The following KIAA1958 variants were observed in gnomAD, a reference collection of about 807,000 sequenced individuals.
KIAA1958 encodes KIAA1958.
KIAA1958 carries 14 observed loss-of-function variants against 47.2 expected under a neutral mutation model. The observed-to-expected ratio is 0.30, with a 90% confidence interval of 0.20 to 0.46. KIAA1958 has a LOEUF of 0.46. KIAA1958 is among the 20% of genes least tolerant of loss of function. The pLI is 1.00. For missense variants in KIAA1958, 803 were observed against 909.2 expected (o/e 0.88, Z 1.50); for synonymous variants, 354 against 353.3 (o/e 1.00, Z -0.02).
At chr9:112,639,541 C>G (rs1487952467) in intron 2 of KIAA1958, among the ~76,000 whole-genome samples, 1 of 152,178 alleles carries the variant, frequency 6.6e-6, no homozygotes, top group African/African-American at 2.4e-5. Context: ...TGACTCTTCA[C>G]ACAGGGCCTC....
Position 112,560,198 on chromosome 9 carries a change from C to CTTTTTTTT in KIAA1958, c.-24-13857_-24-13850dup, listed in dbSNP as rs745805478. On this transcript the variant is annotated intron_variant, in intron 1 of 3. Transcript: ENST00000337530. ...TTGAAGCTGCTTTTTTTTTCTTTTTCTTTTTTTTTCTTTTTTTGAAGAGAT... is the reference window on the plus strand; with the variant it reads ...TTGAAGCTGCTTTTTTTTTCTTTTTCTTTTTTTTTTTTTTTTTCTTTTTTTGAAGAGAT... 8.3e-4 allele frequency among the ~76,000 whole-genome samples: 90 copies of CTTTTTTTT among 108,634 alleles called. 3 individuals carry two copies. Among genetic ancestry groups the CTTTTTTTT allele is most frequent in the East Asian group, 1.9e-3 (8 of 4,204 alleles). The allele number at this position is 108,634 out of a possible 152,430, so 71.3% of individuals were successfully genotyped here.
intron 1 of KIAA1958, among the ~76,000 whole-genome samples, chr9:112,553,719 C>G (rs1835195106): frequency 6.6e-6 from 1 of 152,068 alleles, no homozygotes; most frequent in African/African-American, 2.4e-5. Flanking sequence ...CAAATCTCTG[C>G]TTTATAAGAT....
chr9:112,602,337 GTT>G (rs1836148854), intron 2 of KIAA1958, among the ~76,000 whole-genome samples: 2 of 152,240 alleles, frequency 1.3e-5, no homozygotes, highest in African/African-American at 4.8e-5. Flanking sequence ...TAAAATTGAA[GTT>G]GGCCTATTTC....
intron 1 of KIAA1958, among the ~76,000 whole-genome samples, chr9:112,524,965 C>T (rs1322232787): frequency 6.6e-6 from 1 of 152,206 alleles, no homozygotes; most frequent in Admixed American, 6.5e-5. Context: ...TTCTATACTT[C>T]TGCTCAGCAG....
Position 112,659,882 on chromosome 9 carries a change from C to G in KIAA1958, c.1964C>G (p.Thr655Ser). 6.2e-7 allele frequency: 1 copy of G among 1,614,166 alleles called. No homozygotes were observed. Among genetic ancestry groups the G allele is most frequent in the Admixed American group, 1.7e-5 (1 of 60,008 alleles). ...QMEAKSPFYL[T>S]ARKEATDMGS... ...GAGGCCAAGTCCCCCTTCTACCTGACTGCCAGGAAGGAGGCCACAGACATG... is the reference window on the plus strand; with the variant it reads ...GAGGCCAAGTCCCCCTTCTACCTGAGTGCCAGGAAGGAGGCCACAGACATG... Residue 655 changes from threonine (T) to serine (S), a missense_variant, in exon 4 of 4, where the codon ACT (threonine) becomes AGT (serine). Coordinates refer to ENST00000337530, the MANE Select transcript of KIAA1958 (RefSeq NM_133465.4).
intron 2 of KIAA1958, among the ~76,000 whole-genome samples, chr9:112,616,635 C>T (rs760773934): frequency 1.5e-4 from 23 of 152,112 alleles, no homozygotes; most frequent in Non-Finnish European, 2.2e-4. Flanking sequence ...CAATCAATAG[C>T]GTAGCCTGTT....
intron 2 of KIAA1958, among the ~76,000 whole-genome samples, chr9:112,614,292 C>T (rs1425246248): frequency 6.6e-6 from 1 of 152,068 alleles, no homozygotes; most frequent in Non-Finnish European, 1.5e-5. Flanking sequence ...ATGAGAAAGG[C>T]TTCTCGGGTG....
chr9:112,557,133 A>C (rs1048674766), intron 1 of KIAA1958, among the ~76,000 whole-genome samples: 1 of 149,422 alleles, frequency 6.7e-6, no homozygotes, highest in African/African-American at 2.5e-5. Context: ...TAATTTTTCC[A>C]GTCTTTTGTA....
At chr9:112,515,056 C>T (rs1203139021) in intron 1 of KIAA1958, among the ~76,000 whole-genome samples, 12 of 121,384 alleles carry the variant, frequency 9.9e-5, no homozygotes, top group Admixed American at 2.3e-4. Context: ...CCCGCCCGGC[C>T]AGCCGCCCCG....
At chr9:112,548,145 A>G (rs1835076315) in intron 1 of KIAA1958, among the ~76,000 whole-genome samples, 1 of 151,840 alleles carries the variant, frequency 6.6e-6, no homozygotes, top group Non-Finnish European at 1.5e-5. Flanking sequence ...GTGGGACTAC[A>G]GGCAAGCGCC....
At chr9:112,529,119 A>T (rs889858439) in intron 1 of KIAA1958, among the ~76,000 whole-genome samples, 1 of 152,256 alleles carries the variant, frequency 6.6e-6, no homozygotes, top group Non-Finnish European at 1.5e-5. Flanking sequence ...GGGAGTGAAC[A>T]AAACAATTCC....
At chr9:112,640,228 G>C (rs925434858) in intron 2 of KIAA1958, among the ~76,000 whole-genome samples, 1 of 152,320 alleles carries the variant, frequency 6.6e-6, no homozygotes, top group South Asian at 2.1e-4. Context: ...ATGCAGTCTA[G>C]ACTGATCTAT....
At chr9:112,532,614 T>G (rs1325050441) in intron 1 of KIAA1958, among the ~76,000 whole-genome samples, 1 of 152,228 alleles carries the variant, frequency 6.6e-6, no homozygotes, top group African/African-American at 2.4e-5. Flanking sequence ...ACCACAGCAC[T>G]GGTAGTCCAG....
In KIAA1958 at chr9:112,574,591, G is replaced by T. The variant is rs146645773; in HGVS notation, c.511G>T (p.Ala171Ser). ...EPQTQRPQSI[A>S]RKRPGVVPSS... Reference sequence around the variant, plus strand: ...CCAAACCCAAAGGCCTCAAAGCATTGCTCGCAAAAGACCTGGGGTAGTCCC... The same window carrying T: ...CCAAACCCAAAGGCCTCAAAGCATTTCTCGCAAAAGACCTGGGGTAGTCCC... Residue 171 changes from alanine to serine, a missense_variant, in exon 2 of 4, where the codon GCT becomes TCT. Ala to Ser is a moderately conservative substitution (Grantham distance 99). Around this residue, in one of 2 missense-constraint regions of KIAA1958, gnomAD observed 761 missense variants for 829.3 expected, o/e 0.92. Transcript: ENST00000337530. The T allele has an allele frequency of 1.1e-4, 175 of 1,614,016 alleles. No individual in the cohort carries two copies. The highest frequency in any genetic ancestry group is 1.6e-4 in the Middle Eastern group (1 of 6,084).
intron 2 of KIAA1958, among the ~76,000 whole-genome samples, chr9:112,636,789 G>A (rs1836812500): frequency 6.6e-6 from 1 of 152,004 alleles, no homozygotes; most frequent in African/African-American, 2.4e-5. Flanking sequence ...TTTTCCCCCA[G>A]GAGAATATAG....
chr9:112,558,554 G>T (rs368991805), intron 1 of KIAA1958, among the ~76,000 whole-genome samples: 11 of 152,166 alleles, frequency 7.2e-5, no homozygotes, highest in African/African-American at 2.7e-4. Context: ...GGGAGGCTTA[G>T]TCCTGTTACC....
chr9:112,545,701 G>A lies in KIAA1958; in HGVS notation c.-24-28356G>A, dbSNP rs566893897. Reference sequence around the variant, plus strand: ...GAGCATCTGGGAGATGAATTGGAAAGGCAGACTTCTGGTCTGGTTAGCACT... The same window carrying A: ...GAGCATCTGGGAGATGAATTGGAAAAGCAGACTTCTGGTCTGGTTAGCACT... On this transcript the variant is annotated intron_variant, in intron 1 of 3. Transcript: ENST00000337530. 9.1e-4 allele frequency among the ~76,000 whole-genome samples: 138 copies of A among 152,186 alleles called. 1 individual carries two copies. The highest frequency in any genetic ancestry group is 3.0e-3 in the African/African-American group (126 of 41,540).
intron 3 of KIAA1958, among the ~76,000 whole-genome samples, chr9:112,652,900 TG>T (rs1174079542): frequency 2.6e-5 from 4 of 152,346 alleles, no homozygotes; most frequent in African/African-American, 9.6e-5. Context: ...ATTACAGGCA[TG>T]AGCCACTGTG....
intron 2 of KIAA1958, among the ~76,000 whole-genome samples, chr9:112,621,968 C>T (rs561633190): frequency 6.6e-6 from 1 of 152,278 alleles, no homozygotes; most frequent in South Asian, 2.1e-4. Context: ...TCTCGAACTC[C>T]TAGCCTCAAG....
Sources: gnomAD v4.1 joint callset for allele counts (sites outside exome capture counted in the v4.1 genomes callset) on GRCh38, gnomAD v4.1.1 for gene constraint, gnomAD v4.1.1 regional missense constraint, MANE v1.5 for transcripts, NCBI Gene and HGNC (gene_info 2026-07-23, HGNC 2026-07-21) for gene names.